RANBP17: variants seen among roughly 807,000 people sequenced by gnomAD.
RANBP17 encodes the protein ran-binding protein 17.
Under a neutral mutation model 141.2 loss-of-function variants are expected in RANBP17, and 158 were observed. That is an observed-to-expected ratio of 1.12 (90% CI 0.98 to 1.28). The LOEUF is 1.28. Among genes scored for constraint, RANBP17 ranks in the 50% most tolerant of loss-of-function variants. RANBP17 has a pLI of 0.00. For missense variants in RANBP17, 1,438 were observed against 1,290.7 expected (o/e 1.11, Z -1.75); for synonymous variants, 430 against 450.0 (o/e 0.96, Z 0.56).
chr5:170,980,878 C>T (rs1172129578), intron 14 of RANBP17, among the ~76,000 whole-genome samples: 1 of 152,186 alleles, frequency 6.6e-6, no homozygotes, highest in African/African-American at 2.4e-5. Flanking sequence ...GGTAGATCCA[C>T]TGACAGCTTG....
intron 14 of RANBP17, among the ~76,000 whole-genome samples, chr5:171,025,586 T>TC (rs368182096): frequency 1.0e-5 from 1 of 100,314 alleles, no homozygotes; most frequent in African/African-American, 4.8e-5. Context: ...TCTTTTTTTC[T>TC]TTTTTTTTTG....
intron 14 of RANBP17, among the ~76,000 whole-genome samples, chr5:171,011,864 C>T (rs1780059903): frequency 6.6e-6 from 1 of 151,832 alleles, no homozygotes; most frequent in South Asian, 2.1e-4. Flanking sequence ...CTGAACCGGA[C>T]ATGCATTGGA....
At chr5:171,000,657 C>T (rs769469467) in intron 14 of RANBP17, among the ~76,000 whole-genome samples, 9 of 152,182 alleles carry the variant, frequency 5.9e-5, no homozygotes, top group African/African-American at 1.2e-4. Flanking sequence ...TGGGTGCAGG[C>T]GGGCTGAGTC....
chr5:171,137,572 A>G (rs6887573), intron 14 of RANBP17, among the ~76,000 whole-genome samples: 7,301 of 141,058 alleles, frequency 0.052, 268 homozygotes, highest in East Asian at 0.095. Context: ...TTGACTTGAG[A>G]TGTGTGTGTG....
intron 12 of RANBP17, among the ~76,000 whole-genome samples, chr5:170,926,759 A>G (rs923995328): frequency 6.6e-6 from 1 of 151,908 alleles, no homozygotes; most frequent in Non-Finnish European, 1.5e-5. Flanking sequence ...CCCTTTCTTC[A>G]CTCTAGCAAG....
At chr5:170,962,938 G>T (rs774266851) in intron 13 of RANBP17, among the ~76,000 whole-genome samples, 15 of 152,092 alleles carry the variant, frequency 9.9e-5, no homozygotes, top group Non-Finnish European at 8.8e-5. Context: ...TGACCTAGAC[G>T]TTTTGTTTCG....
chr5:171,059,454 G>A (rs1245208821), intron 14 of RANBP17, among the ~76,000 whole-genome samples: 1 of 151,894 alleles, frequency 6.6e-6, no homozygotes, highest in Non-Finnish European at 1.5e-5. Flanking sequence ...TCTCAGGTTT[G>A]TCAAAGATCA....
At chr5:171,213,963 A>G (rs914524073) in intron 21 of RANBP17, among the ~76,000 whole-genome samples, 6 of 152,188 alleles carry the variant, frequency 3.9e-5, no homozygotes, top group African/African-American at 1.4e-4. Flanking sequence ...GGGAAATGGA[A>G]AATAAATTGG....
At chr5:171,212,881 G>A (rs995858014) in intron 20 of RANBP17, among the ~76,000 whole-genome samples, 1 of 152,148 alleles carries the variant, frequency 6.6e-6, no homozygotes, top group Non-Finnish European at 1.5e-5. Context: ...GTGGAGCTGG[G>A]TCAGTTTTCC....
At chr5:171,037,266 T>A (rs1381517117) in intron 14 of RANBP17, among the ~76,000 whole-genome samples, 1 of 152,172 alleles carries the variant, frequency 6.6e-6, no homozygotes, top group African/African-American at 2.4e-5. Flanking sequence ...AAGTGTTGAT[T>A]CATGTCCTTT....
intron 14 of RANBP17, among the ~76,000 whole-genome samples, chr5:171,148,543 A>G (rs1420284579): frequency 6.6e-6 from 1 of 152,154 alleles, no homozygotes; most frequent in African/African-American, 2.4e-5. Flanking sequence ...ATACTTGTAA[A>G]TAGTGTATAG....
At chr5:170,941,894 T>G (rs1264708283) in intron 12 of RANBP17, among the ~76,000 whole-genome samples, 2 of 152,190 alleles carry the variant, frequency 1.3e-5, no homozygotes, top group African/African-American at 4.8e-5. Flanking sequence ...CCCATTGACC[T>G]GACCCTTGAA....
intron 24 of RANBP17, among the ~76,000 whole-genome samples, chr5:171,258,819 C>CA (rs551968475): frequency 1.8e-3 from 267 of 151,982 alleles, no homozygotes; most frequent in Non-Finnish European, 3.1e-3. Flanking sequence ...TTGATCTAGG[C>CA]AAAAAAATTA....
chr5:171,249,423 T>G (rs140589540), intron 24 of RANBP17, among the ~76,000 whole-genome samples: 1 of 152,136 alleles, frequency 6.6e-6, no homozygotes, highest in Non-Finnish European at 1.5e-5. Context: ...CAGCAATAGA[T>G]CTTACTCAAA....
At chr5:171,282,195 A>T (rs1561827453) in intron 25 of RANBP17, among the ~76,000 whole-genome samples, 1 of 152,196 alleles carries the variant, frequency 6.6e-6, no homozygotes, top group Non-Finnish European at 1.5e-5. Context: ...GGCATAATGG[A>T]ATAATATTAA....
intron 14 of RANBP17, among the ~76,000 whole-genome samples, chr5:171,048,647 G>A (rs1340960750): frequency 6.6e-6 from 1 of 152,030 alleles, no homozygotes; most frequent in Non-Finnish European, 1.5e-5. Flanking sequence ...CTACCCTCCA[G>A]TAGACTGTGC....
intron 14 of RANBP17, among the ~76,000 whole-genome samples, chr5:171,143,029 T>G (rs1757805802): frequency 6.6e-6 from 1 of 152,226 alleles, no homozygotes; most frequent in South Asian, 2.1e-4. Flanking sequence ...ATTGCAGTAT[T>G]TTGTACCTAA....
Position 170,955,623 on chromosome 5 carries a change from ATATATATATATATATATGCTCAGTG to A in RANBP17, c.1574+1939_1574+1963del, listed in dbSNP as rs1561927938. 3.3e-4 allele frequency among the ~76,000 whole-genome samples: 28 copies of A among 84,386 alleles called. 1 individual carries two copies. The highest frequency in any genetic ancestry group is 1.6e-3 in the African/African-American group (27 of 16,946). The allele number at this position is 84,386 out of a possible 152,430, so 55.4% of individuals were successfully genotyped here. On this transcript the variant is annotated intron_variant, in intron 13 of 27. Coordinates refer to ENST00000523189, the MANE Select transcript of RANBP17 (RefSeq NM_022897.5). ...ATATATATATATGCTCAGTGTATAT[ATATATATATATATATATGCTCAGTG>A]TATATATATATATATATATATATAT...
intron 24 of RANBP17, among the ~76,000 whole-genome samples, chr5:171,263,927 T>G (rs1042653615): frequency 2.6e-5 from 4 of 151,974 alleles, no homozygotes; most frequent in Non-Finnish European, 5.9e-5. Context: ...CCAGGCATGG[T>G]AGTGCACAGC....
Sources: gnomAD v4.1 joint callset for allele counts (sites outside exome capture counted in the v4.1 genomes callset) on GRCh38, gnomAD v4.1.1 for gene constraint, MANE v1.5 for transcripts, NCBI Gene and HGNC (gene_info 2026-07-23, HGNC 2026-07-21) for gene names.